Variants in ABTB3 observed in about 807,000 individuals in gnomAD.
The protein encoded by ABTB3 is ankyrin repeat and BTB domain containing 3.
At chr12:107,426,477 C>T in the ABTB3 span, among the ~76,000 whole-genome samples, 5 of 152,164 alleles carry the variant, frequency 3.3e-5, no homozygotes, top group African/African-American at 1.2e-4. Flanking sequence ...ATCGAGGGTG[C>T]TGCTGGCCTC....
chr12:107,424,163 C>T, the ABTB3 span, among the ~76,000 whole-genome samples: 1 of 152,166 alleles, frequency 6.6e-6, no homozygotes. Flanking sequence ...AATAAAAAAC[C>T]AGTTCAGATT....
chr12:107,544,274 C>A, the ABTB3 span: 273 of 914,212 alleles, frequency 3.0e-4, no homozygotes, highest in Non-Finnish European at 4.0e-4. Context: ...CCGGTGGGAA[C>A]CTTGCACCCT....
chr12:107,603,548 G>T, the ABTB3 span, among the ~76,000 whole-genome samples: 1 of 152,204 alleles, frequency 6.6e-6, no homozygotes, highest in East Asian at 1.9e-4. Context: ...GACCCTTATG[G>T]CATCCATATA....
At chr12:107,473,514 C>T in the ABTB3 span, among the ~76,000 whole-genome samples, 9 of 152,120 alleles carry the variant, frequency 5.9e-5, no homozygotes, top group Non-Finnish European at 7.4e-5. Flanking sequence ...CCACCTTGCC[C>T]GGCTAATTTT....
the ABTB3 span, among the ~76,000 whole-genome samples, chr12:107,352,117 ATACCC>A: frequency 6.6e-6 from 1 of 152,162 alleles, no homozygotes; most frequent in Non-Finnish European, 1.5e-5. Context: ...TAGGGGAGAG[ATACCC>A]CAGTCAACAG....
the ABTB3 span, among the ~76,000 whole-genome samples, chr12:107,419,648 T>A: frequency 6.6e-6 from 1 of 152,100 alleles, no homozygotes; most frequent in Non-Finnish European, 1.5e-5. Flanking sequence ...TTCTCACCTA[T>A]AAAATAATGG....
At chr12:107,488,327 A>G in the ABTB3 span, among the ~76,000 whole-genome samples, 70 of 152,296 alleles carry the variant, frequency 4.6e-4, no homozygotes, top group Middle Eastern at 6.8e-3. Flanking sequence ...TTCAAGCAGT[A>G]TACTTTAAAT....
chr12:107,568,022 A>G, the ABTB3 span, among the ~76,000 whole-genome samples: 2 of 152,242 alleles, frequency 1.3e-5, no homozygotes, highest in African/African-American at 4.8e-5. Context: ...AGGATTTCTC[A>G]GAATGTATCC....
the ABTB3 span, among the ~76,000 whole-genome samples, chr12:107,576,883 C>A: frequency 6.6e-6 from 1 of 152,200 alleles, no homozygotes; most frequent in African/African-American, 2.4e-5. Flanking sequence ...AGGGTCCTAT[C>A]TTCTGATCTC....
chr12:107,653,360 C>CA, the ABTB3 span, among the ~76,000 whole-genome samples: 1 of 151,698 alleles, frequency 6.6e-6, no homozygotes, highest in African/African-American at 2.4e-5. Context: ...ACTAAAAATA[C>CA]AAAAAAATTA....
At chr12:107,536,210 C>T in the ABTB3 span, among the ~76,000 whole-genome samples, 1 of 152,042 alleles carries the variant, frequency 6.6e-6, no homozygotes, top group Non-Finnish European at 1.5e-5. Context: ...AAACCAGATC[C>T]CTATCTCTCA....
At chr12:107,320,356 C>A in the ABTB3 span, among the ~76,000 whole-genome samples, 1 of 152,254 alleles carries the variant, frequency 6.6e-6, no homozygotes, top group East Asian at 1.9e-4. Context: ...AGGCAGTGAG[C>A]AAAACCCAGC....
the ABTB3 span, among the ~76,000 whole-genome samples, chr12:107,429,657 C>A: frequency 6.6e-6 from 1 of 152,152 alleles, no homozygotes; most frequent in African/African-American, 2.4e-5. Flanking sequence ...TCAATGGATT[C>A]GTTTTCTCCA....
chr12:107,443,175 A>AC, the ABTB3 span, among the ~76,000 whole-genome samples: 19 of 152,164 alleles, frequency 1.2e-4, no homozygotes, highest in Non-Finnish European at 2.4e-4. Context: ...GCATAGCAGC[A>AC]GCCATGTTCT....
At chr12:107,411,425 AT>A in the ABTB3 span, among the ~76,000 whole-genome samples, 3 of 152,222 alleles carry the variant, frequency 2.0e-5, no homozygotes, top group Non-Finnish European at 4.4e-5. Flanking sequence ...TCGCTGGGGT[AT>A]TATGTGAATC....
At chr12:107,444,745 C>T in the ABTB3 span, among the ~76,000 whole-genome samples, 1 of 152,116 alleles carries the variant, frequency 6.6e-6, no homozygotes, top group Non-Finnish European at 1.5e-5. Flanking sequence ...AAAATACGCA[C>T]TCAACCTTTT....
the ABTB3 span, among the ~76,000 whole-genome samples, chr12:107,602,951 G>A: frequency 6.6e-6 from 1 of 152,320 alleles, no homozygotes; most frequent in Non-Finnish European, 1.5e-5. Context: ...GAGAATCAGA[G>A]AAATTGACCA....
the ABTB3 span, among the ~76,000 whole-genome samples, chr12:107,574,421 C>T: frequency 1.3e-5 from 2 of 152,222 alleles, no homozygotes; most frequent in African/African-American, 4.8e-5. Context: ...CCTGGGAGCG[C>T]ATTAGAAATG....
the ABTB3 span, among the ~76,000 whole-genome samples, chr12:107,500,160 G>C: frequency 4.6e-5 from 7 of 152,158 alleles, no homozygotes; most frequent in African/African-American, 1.4e-4. Context: ...ATATCACCCT[G>C]GTAGGACAAG....
Sources: gnomAD v4.1 joint callset for allele counts (sites outside exome capture counted in the v4.1 genomes callset) on GRCh38, gnomAD v4.1.1 for gene constraint, MANE v1.5 for transcripts, NCBI Gene and HGNC (gene_info 2026-07-23, HGNC 2026-07-21) for gene names.